IVD: variants seen among roughly 807,000 people sequenced by gnomAD.
The protein encoded by IVD is isovaleryl-CoA dehydrogenase, also known as isovaleryl-CoA dehydrogenase, mitochondrial.
A neutral mutation model predicts 51.3 loss-of-function variants in IVD; 31 were observed. The observed-to-expected ratio is 0.60, with a 90% CI of 0.45 to 0.81. The LOEUF is 0.81. Among genes scored for constraint, IVD ranks in the 40% least tolerant of loss-of-function variants. IVD has a pLI of 0.00. For missense variants in IVD, 475 were observed against 552.0 expected, an observed-to-expected ratio of 0.86 and a Z score of 1.40; for synonymous variants, 205 against 219.4, an observed-to-expected ratio of 0.93 and a Z score of 0.58.
chr15:40,426,009 C>T (rs1892653590), downstream of IVD, among the ~76,000 whole-genome samples: 2 of 147,634 alleles, frequency 1.4e-5, no homozygotes, highest in Non-Finnish European at 3.0e-5. Context: ...CAGGGTCTCA[C>T]TATGTTGCCC....
At chr15:40,431,675 A>G (rs1028008404) in intron 7 of IVD, among the ~76,000 whole-genome samples, 1 of 151,948 alleles carries the variant, frequency 6.6e-6, no homozygotes, top group Non-Finnish European at 1.5e-5. Context: ...AGCCTGGGCT[A>G]CAGAGCAAGA....
In IVD at chr15:40,420,240, C is replaced by G. The variant is rs1314295508; in HGVS notation, c.*1977C>G. 1 of 987,198 alleles carries G rather than the reference C, an allele frequency of 1.0e-6. No homozygotes were observed. Among genetic ancestry groups the G allele is most frequent in the Admixed American group, 6.1e-5 (1 of 16,284 alleles). The allele number at this position is 987,198 out of a possible 1,614,324, so 61.2% of individuals were successfully genotyped here. A position where few individuals can be genotyped will look rare whatever the true frequency, so the allele number is the denominator to read the frequency against. ...CACCTCTGAGCCCTTGTGCACCGCCCTGCCACGGGCACCATCCAGTCCTGG... is the reference window on the plus strand; with the variant it reads ...CACCTCTGAGCCCTTGTGCACCGCCGTGCCACGGGCACCATCCAGTCCTGG... On this transcript the variant is annotated 3_prime_UTR_variant, in exon 12 of 12. Coordinates refer to ENST00000487418, the MANE Select transcript of IVD (RefSeq NM_002225.5).
At chr15:40,428,011 G>A (rs950108774), downstream of IVD, among the ~76,000 whole-genome samples, 12 of 152,074 alleles carry the variant, frequency 7.9e-5, no homozygotes, top group Admixed American at 2.0e-4. Context: ...GTGAAACCCC[G>A]TCTTTACTAA....
At chr15:40,428,405 C>G (rs139670126), downstream of IVD, among the ~76,000 whole-genome samples, 3 of 152,208 alleles carry the variant, frequency 2.0e-5, no homozygotes, top group East Asian at 5.8e-4. Context: ...GCAAAGTATA[C>G]TCTACGGTCC....
At chr15:40,430,731 A>G (rs1892926546) in intron 7 of IVD, among the ~76,000 whole-genome samples, 1 of 5,774 alleles carries the variant, frequency 1.7e-4, no homozygotes, top group African/African-American at 5.5e-3. Context: ...CTGCCAGTGC[A>G]CCCCACAGTG....
intron 9 of IVD, 100 bp from the exon 10 acceptor site, chr15:40,415,978 G>T (rs1891625924): frequency 3.0e-6 from 3 of 1,010,150 alleles, no homozygotes; most frequent in Non-Finnish European, 4.6e-6. Context: ...CCATGCCCCT[G>T]CTTCCTCATC....
chr15:40,419,258 C>G lies in IVD; in HGVS notation c.*995C>G. Reference sequence around the variant, plus strand: ...AGGCAAGGTGGTGTGTGCCTGTAATCCCAGCACTTTGGGAGGCCAAGGCAG... The same window carrying G: ...AGGCAAGGTGGTGTGTGCCTGTAATGCCAGCACTTTGGGAGGCCAAGGCAG... On this transcript the variant is annotated 3_prime_UTR_variant, in exon 12 of 12. Coordinates refer to ENST00000487418, the MANE Select transcript of IVD (RefSeq NM_002225.5). 7.8e-7 allele frequency: 1 copy of G among 1,286,502 alleles called. No homozygotes were observed. The highest frequency in any genetic ancestry group is 1.0e-6 in the Non-Finnish European group (1 of 986,286). The allele number at this position is 1,286,502 out of a possible 1,614,324, so 79.7% of individuals were successfully genotyped here. A position where few individuals can be genotyped will look rare whatever the true frequency, so the allele number is the denominator to read the frequency against.
chr15:40,419,341 T>C lies in IVD; in HGVS notation c.*1078T>C, dbSNP rs1892061987. 1 of 709,464 alleles carries C rather than the reference T, an allele frequency of 1.4e-6. No individual in the cohort carries two copies. The highest frequency in any genetic ancestry group is 6.7e-5 in the East Asian group (1 of 14,888). 43.9% of individuals were successfully genotyped at this position (709,464 alleles called of 1,614,324 possible). On this transcript the variant is annotated 3_prime_UTR_variant, in exon 12 of 12. Transcript: ENST00000487418. ...GCCTGTCCAACGTGGTGAAACCCCA[T>C]CTCTACTAAAAATACAAAAATTAGC... is the stretch of plus-strand genomic sequence containing the variant.
In IVD at chr15:40,419,216, C is replaced by T. The variant is rs1399773445; in HGVS notation, c.*953C>T. 7.8e-7 allele frequency: 1 copy of T among 1,289,228 alleles called. No homozygotes were observed. The highest frequency in any genetic ancestry group is 1.5e-5 in the African/African-American group (1 of 65,852). The allele number at this position is 1,289,228 out of a possible 1,614,324, so 79.9% of individuals were successfully genotyped here. A position where few individuals can be genotyped will look rare whatever the true frequency, so the allele number is the denominator to read the frequency against. On this transcript the variant is annotated 3_prime_UTR_variant, in exon 12 of 12. Coordinates refer to ENST00000487418, the MANE Select transcript of IVD (RefSeq NM_002225.5). ...ATCAGCTCCTAGCAGCTTATGAACACATATGCTTGCTTGGCCAGGCAAGGT... is the reference window on the plus strand; with the variant it reads ...ATCAGCTCCTAGCAGCTTATGAACATATATGCTTGCTTGGCCAGGCAAGGT...
chr15:40,413,009 A>C lies in IVD; in HGVS notation c.706A>C (p.Thr236Pro). The C allele has an allele frequency of 6.2e-7, 1 of 1,614,016 alleles. No homozygotes were observed. The highest frequency in any genetic ancestry group is 8.5e-7 in the Non-Finnish European group (1 of 1,179,920). Residue 236 changes from threonine to proline, a missense_variant, in exon 7 of 12, where the codon ACC (threonine) becomes CCC (proline). Coordinates refer to ENST00000487418, the MANE Select transcript of IVD (RefSeq NM_002225.5). The part of the protein sequence containing the change: ...IVEKGMPGFS[T>P]SKKLDKLGMR... ...TGTAAAGGGTATGCCTGGCTTTAGC[A>C]CCTCTAAGAAGCTGGACAAGCTGGG...
At position 40,420,741 on chromosome 15, in the gene IVD, T is replaced by G; in HGVS notation, c.*2478T>G. On this transcript the variant is annotated 3_prime_UTR_variant, in exon 12 of 12. Transcript: ENST00000487418. ...TTTAAAAAGATCAACACAATTTGAC[T>G]TTCTCAAGGTCAAAACGAACTAGAA... is the stretch of plus-strand genomic sequence containing the variant. 1.0e-6 allele frequency: 1 copy of G among 985,778 alleles called. No homozygotes were observed. Among genetic ancestry groups the G allele is most frequent in the Non-Finnish European group, 1.2e-6 (1 of 830,118 alleles). 61.1% of individuals were successfully genotyped at this position (985,778 alleles called of 1,614,324 possible).
At chr15:40,423,357 A>G (rs1259406096), downstream of IVD, among the ~76,000 whole-genome samples, 1 of 152,274 alleles carries the variant, frequency 6.6e-6, no homozygotes, top group Non-Finnish European at 1.5e-5. Context: ...CTCCCAGGAC[A>G]AAACCACTTT....
chr15:40,407,024 C>T (rs1380786728), intron 1 of IVD, among the ~76,000 whole-genome samples: 8 of 152,116 alleles, frequency 5.3e-5, no homozygotes, highest in Admixed American at 3.3e-4. Context: ...CCACCACGCC[C>T]GGCTAATTTT....
chr15:40,432,130 G>A (rs938708538), intron 7 of IVD, among the ~76,000 whole-genome samples: 1 of 152,096 alleles, frequency 6.6e-6, no homozygotes, highest in African/African-American at 2.4e-5. Context: ...CACCTGTAGA[G>A]ACAGGGTTTT....
chr15:40,415,350 C>A, intron 8 of IVD, 51 bp from the exon 9 acceptor site: 1 of 1,482,612 alleles, frequency 6.7e-7, no homozygotes. Flanking sequence ...TGCCACCACA[C>A]CCGGTGGTGG....
chr15:40,430,135 G>A (rs1335304348), intron 7 of IVD, among the ~76,000 whole-genome samples: 2 of 152,230 alleles, frequency 1.3e-5, no homozygotes, highest in African/African-American at 2.4e-5. Flanking sequence ...TGGCCACCTG[G>A]CAGAGCAGTC....
chr15:40,410,752 T>C lies in IVD; in HGVS notation c.411T>C (p.Leu137=), dbSNP rs756984946. The change falls in exon 4 of 12, where the codon CTT becomes CTC. Residue 137 remains leucine (L), a synonymous_variant. Transcript: ENST00000487418. ...ACTCCAACCTCTGCATCAACCAGCT[T>C]GTACGCAATGGGAATGAGGCCCAGA... is the stretch of plus-strand genomic sequence containing the variant. The part of the protein sequence containing the change: ...GAHSNLCINQ[L]VRNGNEAQKE... The C allele has an allele frequency of 3.7e-6, 6 of 1,614,192 alleles. No homozygotes were observed. Among genetic ancestry groups the C allele is most frequent in the Non-Finnish European group, 5.1e-6 (6 of 1,180,032 alleles).
At chr15:40,434,948 G>A (rs997850828) in intron 8 of IVD, among the ~76,000 whole-genome samples, 7 of 152,214 alleles carry the variant, frequency 4.6e-5, no homozygotes, top group Non-Finnish European at 4.4e-5. Context: ...GCTTGCAGAA[G>A]TCAGTGTTGG....
At position 40,419,226 on chromosome 15, in the gene IVD, C is replaced by T. The variant is rs1463218914; in HGVS notation, c.*963C>T. Reference sequence around the variant, plus strand: ...AGCAGCTTATGAACACATATGCTTGCTTGGCCAGGCAAGGTGGTGTGTGCC... The same window carrying T: ...AGCAGCTTATGAACACATATGCTTGTTTGGCCAGGCAAGGTGGTGTGTGCC... On this transcript the variant is annotated 3_prime_UTR_variant, in exon 12 of 12. Transcript: ENST00000487418. 2 of 1,289,316 alleles carry T rather than the reference C, an allele frequency of 1.6e-6. No individual in the cohort carries two copies. The highest frequency in any genetic ancestry group is 2.5e-5 in the South Asian group (2 of 81,030). The allele number at this position is 1,289,316 out of a possible 1,614,324, so 79.9% of individuals were successfully genotyped here. A position where few individuals can be genotyped will look rare whatever the true frequency, so the allele number is the denominator to read the frequency against.
Sources: allele counts gnomAD v4.1 joint callset (sites outside exome capture counted in the v4.1 genomes callset), GRCh38; gene constraint gnomAD v4.1.1; transcripts MANE v1.5; gene names NCBI Gene and HGNC (gene_info 2026-07-23, HGNC 2026-07-21).